GTF2E2: variants seen among roughly 807,000 people sequenced by gnomAD.
GTF2E2 encodes the protein general transcription factor IIE subunit 2.
A neutral mutation model predicts 40.5 loss-of-function variants in GTF2E2; 21 were observed. That is an observed-to-expected ratio of 0.52 (90% confidence interval 0.37 to 0.75). GTF2E2 has a LOEUF of 0.75. GTF2E2 is among the 30% of genes least tolerant of loss of function. GTF2E2 has a pLI of 0.00. For synonymous variants in GTF2E2, 117 were observed against 121.6 expected, an observed-to-expected ratio of 0.96 and a Z score of 0.25; for missense variants, 298 against 338.4, an observed-to-expected ratio of 0.88 and a Z score of 0.94.
At chr8:30,643,434 G>C (rs1234941480) in intron 2 of GTF2E2, 1 of 152,166 alleles carries the variant, frequency 6.6e-6, no homozygotes, top group Non-Finnish European at 1.5e-5. Context: ...CAAGGAAGGT[G>C]GATCACAAGG....
At chr8:30,653,931 T>C (rs1802369675) in intron 1 of GTF2E2, among the ~76,000 whole-genome samples, 1 of 151,496 alleles carries the variant, frequency 6.6e-6, no homozygotes, top group South Asian at 2.1e-4. Context: ...TCTACAAAAA[T>C]ACAAAAAATC....
intron 2 of GTF2E2, among the ~76,000 whole-genome samples, chr8:30,635,727 G>A (rs1008554262): frequency 6.6e-6 from 1 of 151,842 alleles, no homozygotes; most frequent in Non-Finnish European, 1.5e-5. Flanking sequence ...GATTAGACTC[G>A]CTCCATAATC....
chr8:30,585,184 C>G (rs980518438), intron 6 of GTF2E2: 19 of 152,456 alleles, frequency 1.2e-4, no homozygotes, highest in African/African-American at 4.6e-4. Flanking sequence ...GAAACTCCGT[C>G]TCAATAATAA....
intron 2 of GTF2E2, among the ~76,000 whole-genome samples, chr8:30,647,346 C>A (rs1802129849): frequency 6.6e-6 from 1 of 152,020 alleles, no homozygotes; most frequent in Admixed American, 6.6e-5. Context: ...TTTGCAAGGC[C>A]GAGGCAGGTG....
chr8:30,601,366 A>G (rs1252956681), intron 6 of GTF2E2, among the ~76,000 whole-genome samples: 1 of 152,244 alleles, frequency 6.6e-6, no homozygotes, highest in Non-Finnish European at 1.5e-5. Flanking sequence ...TATTCTATCA[A>G]CATAAACTGG....
At chr8:30,650,289 A>G (rs1023243505) in intron 2 of GTF2E2, among the ~76,000 whole-genome samples, 1 of 152,198 alleles carries the variant, frequency 6.6e-6, no homozygotes, top group African/African-American at 2.4e-5. Flanking sequence ...GAACATCTAA[A>G]TATCAATTAA....
chr8:30,649,153 T>C (rs1270137201), intron 2 of GTF2E2, among the ~76,000 whole-genome samples: 1 of 152,118 alleles, frequency 6.6e-6, no homozygotes, highest in East Asian at 1.9e-4. Flanking sequence ...AAACCTAATA[T>C]ATATTATAAG....
chr8:30,616,053 T>C (rs975786544), intron 3 of GTF2E2, among the ~76,000 whole-genome samples: 2 of 152,104 alleles, frequency 1.3e-5, no homozygotes, highest in Admixed American at 6.5e-5. Flanking sequence ...TACATATTAC[T>C]AAGGGAAAGA....
chr8:30,657,620 C>A (rs1802486071), intron 1 of GTF2E2: 1 of 152,196 alleles, frequency 6.6e-6, no homozygotes, highest in Non-Finnish European at 1.5e-5. Context: ...GTATGAGCAT[C>A]ATTTTAAATC....
chr8:30,607,202 CAAA>C (rs375698365), intron 5 of GTF2E2, 52 bp from the exon 6 acceptor site: 149 of 482,920 alleles, frequency 3.1e-4, no homozygotes, highest in South Asian at 8.8e-4. Flanking sequence ...ATTACCTCAC[CAAA>C]AAAAAAAAAA....
intron 6 of GTF2E2, among the ~76,000 whole-genome samples, chr8:30,602,754 C>CAAAA (rs35330702): frequency 5.4e-5 from 5 of 92,018 alleles, no homozygotes; most frequent in South Asian, 7.0e-4. Flanking sequence ...AACTCCGTCT[C>CAAAA]AAAAAAAAAA....
chr8:30,593,546 G>A (rs565931320), intron 6 of GTF2E2, among the ~76,000 whole-genome samples: 1 of 152,242 alleles, frequency 6.6e-6, no homozygotes, highest in African/African-American at 2.4e-5. Context: ...AAACTGGAGT[G>A]CAGTGGCACA....
chr8:30,655,394 G>GT (rs1802420127), intron 1 of GTF2E2, among the ~76,000 whole-genome samples: 1 of 151,592 alleles, frequency 6.6e-6, no homozygotes, highest in African/African-American at 2.4e-5. Flanking sequence ...ACCCTACAGA[G>GT]GGTCTATGAA....
intron 3 of GTF2E2, among the ~76,000 whole-genome samples, chr8:30,621,366 C>T (rs540133316): frequency 6.6e-6 from 1 of 152,122 alleles, no homozygotes; most frequent in Non-Finnish European, 1.5e-5. Flanking sequence ...TTTGTAAACA[C>T]AGAAGCCAAA....
intron 3 of GTF2E2, among the ~76,000 whole-genome samples, chr8:30,615,836 G>C (rs893489022): frequency 6.6e-6 from 1 of 152,126 alleles, no homozygotes; most frequent in East Asian, 1.9e-4. Context: ...TTACCCAAAT[G>C]AGCCAAAAAA....
intron 2 of GTF2E2, among the ~76,000 whole-genome samples, chr8:30,635,518 G>C (rs531426253): frequency 2.6e-5 from 4 of 152,122 alleles, no homozygotes; most frequent in African/African-American, 7.2e-5. Context: ...GAGAGGCTGG[G>C]ACTACAGGTG....
At chr8:30,616,448 T>C (rs1261825574) in intron 3 of GTF2E2, among the ~76,000 whole-genome samples, 2 of 151,510 alleles carry the variant, frequency 1.3e-5, no homozygotes, top group Non-Finnish European at 2.9e-5. Context: ...AATAAATAAA[T>C]AATTTTAAAA....
At chr8:30,604,985 G>A (rs568822419) in intron 6 of GTF2E2, among the ~76,000 whole-genome samples, 1 of 152,288 alleles carries the variant, frequency 6.6e-6, no homozygotes. Context: ...TGACAGCTTA[G>A]CGTGCAGATT....
chr8:30,599,952 C>G (rs971920931), intron 6 of GTF2E2, among the ~76,000 whole-genome samples: 1 of 152,112 alleles, frequency 6.6e-6, no homozygotes, highest in Non-Finnish European at 1.5e-5. Context: ...CACTGCACCC[C>G]AGCCTGGTGA....
Sources: gnomAD v4.1 joint callset for allele counts (sites outside exome capture counted in the v4.1 genomes callset) on GRCh38, gnomAD v4.1.1 for gene constraint, MANE v1.5 for transcripts, NCBI Gene and HGNC (gene_info 2026-07-23, HGNC 2026-07-21) for gene names.